The following GPI variants were observed in gnomAD, a reference collection of about 807,000 sequenced individuals.
GPI encodes D-hexose-6-phosphate anomerase.
In GPI, 56 loss-of-function variants were observed where a neutral mutation model predicts 75.8. The ratio of observed to expected loss-of-function variants is 0.74; its 90% CI spans 0.60 to 0.92. GPI has a LOEUF of 0.92. GPI is among the 40% of genes least tolerant of loss of function. The pLI is 0.00. For missense variants in GPI, 638 were observed against 741.0 expected (o/e 0.86, Z 1.61); for synonymous variants, 288 against 285.4 (o/e 1.01, Z -0.09).
chr19:34,370,787 T>C (rs7253813), intron 4 of GPI, among the ~76,000 whole-genome samples: 23,155 of 149,058 alleles, frequency 0.16, 2,149 homozygotes, highest in Non-Finnish European at 0.21. Context: ...ATCAGCTAGG[T>C]GTGGTGGTGT....
At chr19:34,363,678 G>C (rs1020521643), upstream of GPI, among the ~76,000 whole-genome samples, 1 of 152,176 alleles carries the variant, frequency 6.6e-6, no homozygotes, top group East Asian at 1.9e-4. Context: ...AAATTAGTTG[G>C]GTGTGGTGGC....
In GPI at chr19:34,400,000, C is replaced by T; in HGVS notation, c.1641C>T (p.Asn547=). The change falls in exon 18 of 18, where the codon AAC becomes AAT. Residue 547 remains asparagine, a synonymous_variant. Coordinates refer to ENST00000356487, the MANE Select transcript of GPI (RefSeq NM_000175.5). ...ACGCTTCTACCAATGGGCTCATCAACTTCATCAAGCAGCAGCGCGAGGCCA... is the reference window on the plus strand; with the variant it reads ...ACGCTTCTACCAATGGGCTCATCAATTTCATCAAGCAGCAGCGCGAGGCCA... The part of the protein sequence containing the change: ...SHDASTNGLI[N]FIKQQREARV... The T allele has an allele frequency of 6.2e-7, 1 of 1,613,694 alleles. No individual in the cohort carries two copies. The highest frequency in any genetic ancestry group is 8.5e-7 in the Non-Finnish European group (1 of 1,180,020).
At chr19:34,363,662 A>T (rs1436258764), upstream of GPI, among the ~76,000 whole-genome samples, 1 of 152,178 alleles carries the variant, frequency 6.6e-6, no homozygotes, top group East Asian at 1.9e-4. Context: ...TCTACTAAAA[A>T]TACAAAAATT....
At chr19:34,361,255 T>C (rs2074299819), upstream of GPI, among the ~76,000 whole-genome samples, 1 of 152,128 alleles carries the variant, frequency 6.6e-6, no homozygotes, top group Non-Finnish European at 1.5e-5. Flanking sequence ...CACGTCCAGC[T>C]AATTTTTTTG....
intron 6 of GPI, 115 bp downstream of exon 6, chr19:34,377,996 C>T: frequency 1.9e-6 from 2 of 1,079,932 alleles, no homozygotes; most frequent in Non-Finnish European, 2.8e-6. Context: ...CCGAGTGAAC[C>T]ATGGTTTGTG....
chr19:34,368,023 C>G (rs1014612488), intron 3 of GPI, among the ~76,000 whole-genome samples: 1 of 152,134 alleles, frequency 6.6e-6, no homozygotes, highest in East Asian at 1.9e-4. Flanking sequence ...TGGGTTCAGG[C>G]GATTCTCTGC....
chr19:34,365,440 C>T (rs1481832673), intron 1 of GPI, 52 bp downstream of exon 1: 1 of 1,504,716 alleles, frequency 6.6e-7, no homozygotes, highest in East Asian at 2.6e-5. Flanking sequence ...CGGAACCGGG[C>T]ACGCGGGCCT....
intron 12 of GPI, 96 bp from the exon 13 acceptor site, chr19:34,396,205 T>C: frequency 7.0e-7 from 1 of 1,433,942 alleles, no homozygotes; most frequent in Non-Finnish European, 9.7e-7. Context: ...CCCAAAGTGC[T>C]GGAATTACAG....
chr19:34,362,334 T>C (rs2074305891), upstream of GPI, among the ~76,000 whole-genome samples: 1 of 152,044 alleles, frequency 6.6e-6, no homozygotes, highest in Non-Finnish European at 1.5e-5. Context: ...AGAAAATCCA[T>C]GTAACTGGAG....
intron 9 of GPI, among the ~76,000 whole-genome samples, chr19:34,391,144 T>C (rs2074821644): frequency 1.4e-5 from 2 of 139,348 alleles, no homozygotes; most frequent in Non-Finnish European, 3.2e-5. Flanking sequence ...CCTGAGGAGA[T>C]AGCATCTGGC....
chr19:34,396,540 A>G (rs1243832814), intron 13 of GPI, 41 bp from the exon 14 acceptor site: 3 of 1,611,964 alleles, frequency 1.9e-6, no homozygotes, highest in African/African-American at 2.7e-5. Flanking sequence ...GCTAGCTCCC[A>G]TGGGCTGGGG....
chr19:34,391,680 T>C (rs1599847285), intron 9 of GPI, among the ~76,000 whole-genome samples: 1 of 152,112 alleles, frequency 6.6e-6, no homozygotes, highest in Non-Finnish European at 1.5e-5. Flanking sequence ...TCTGGGTCTG[T>C]CAGTATCTGA....
chr19:34,393,481 G>T lies in GPI; in HGVS notation c.865+173G>T. On this transcript the variant is annotated intron_variant, in intron 10 of 17. Transcript: ENST00000356487. This position sits in a 1 kb window ranked among gnomAD's most constrained non-coding sequence, Gnocchi z 4.4. ...AGAAGGAAGGTCTGGGTTTTTTTGC[G>T]TGTGCAAGTTGGCCCCCGTCTTTGC... is the stretch of plus-strand genomic sequence containing the variant. 2.7e-6 allele frequency: 2 copies of T among 746,594 alleles called. No homozygotes were observed. 46.2% of individuals were successfully genotyped at this position (746,594 alleles called of 1,614,324 possible).
chr19:34,400,077 T>C lies in GPI; in HGVS notation c.*41T>C. 1 of 1,598,386 alleles carries C rather than the reference T, an allele frequency of 6.3e-7. No individual in the cohort carries two copies. Among genetic ancestry groups the C allele is most frequent in the Non-Finnish European group, 8.5e-7 (1 of 1,175,526 alleles). On this transcript the variant is annotated 3_prime_UTR_variant, in exon 18 of 18. Transcript: ENST00000356487. ...CAGCCTCCTCTGTGACTCCCCTTTC[T>C]CTTCTCGTCCCTCCTCCCCGGAGCC...
chr19:34,391,985 C>T (rs550518058), intron 9 of GPI, among the ~76,000 whole-genome samples: 37 of 6,312 alleles, frequency 5.9e-3, no homozygotes, highest in Non-Finnish European at 0.011. Context: ...CTGTTCATGT[C>T]TGAGGAGGTA....
rs140143124 is a variant in GPI, at chr19:34,393,125, G to T, written c.805-123G>T. On this transcript the variant is annotated intron_variant, in intron 9 of 17. Coordinates refer to ENST00000356487, the MANE Select transcript of GPI (RefSeq NM_000175.5). The surrounding 1 kb of genome is among the most constrained non-coding windows in gnomAD (Gnocchi z 4.4). ...CACCTGCCTGCTGCCTTGCTTCCTG[G>T]AGGTGGGTTGGGCCAGGGCCCTCCG... 1,266 of 771,984 alleles carry T rather than the reference G, an allele frequency of 1.6e-3. 7 individuals are homozygous for T. In the African/African-American group the frequency reaches 0.019, roughly 12 times the overall value. The allele number at this position is 771,984 out of a possible 1,614,324, so 47.8% of individuals were successfully genotyped here.
Position 34,393,255 on chromosome 19 carries a change from GAGGACGCT to G in GPI, c.814_821del (p.Gly272LeufsTer17). On this transcript the variant is annotated frameshift_variant, in exon 10 of 18. Coordinates refer to ENST00000356487, the MANE Select transcript of GPI (RefSeq NM_000175.5). LOFTEE classifies it high-confidence loss of function. The surrounding 1 kb of genome is among the most constrained non-coding windows in gnomAD (Gnocchi z 4.4). ...TTGTCCTGTCTCTCCTAGTGGGTGG[GAGGACGCT>G]ACTCGCTGTGGTCGGCCATCGGACT... is the stretch of plus-strand genomic sequence containing the variant. The G allele has an allele frequency of 6.2e-7, 1 of 1,612,784 alleles. No individual in the cohort carries two copies. Among genetic ancestry groups the G allele is most frequent in the Non-Finnish European group, 8.5e-7 (1 of 1,178,784 alleles).
intron 9 of GPI, among the ~76,000 whole-genome samples, chr19:34,390,726 C>T (rs1028218294): frequency 6.7e-6 from 1 of 150,310 alleles, no homozygotes; most frequent in African/African-American, 2.5e-5. Context: ...GGATCTGGGT[C>T]TTCCCAATGT....
At chr19:34,390,399 G>C (rs2074804036) in intron 9 of GPI, among the ~76,000 whole-genome samples, 1 of 152,184 alleles carries the variant, frequency 6.6e-6, no homozygotes, top group South Asian at 2.1e-4. Context: ...GACTGAGAAG[G>C]TGGGTCCTGG....
Sources: allele counts gnomAD v4.1 joint callset (sites outside exome capture counted in the v4.1 genomes callset), GRCh38; gene constraint gnomAD v4.1.1; non-coding constraint Gnocchi (gnomAD v3.1); transcripts MANE v1.5; gene names NCBI Gene and HGNC (gene_info 2026-07-23, HGNC 2026-07-21).